Variants in ARL15 observed in about 807,000 individuals in gnomAD.
ARL15 encodes ADP-ribosylation factor-like protein 15.
ARL15 carries 19 observed loss-of-function variants against 25.2 expected under a neutral mutation model. That is an observed-to-expected ratio of 0.75 (90% CI 0.53 to 1.10). The LOEUF is 1.10. ARL15 is among the 50% of genes least tolerant of loss of function. The pLI, the probability that ARL15 is intolerant of heterozygous loss-of-function variation, is 0.00. For synonymous variants in ARL15, 94 were observed against 86.8 expected (o/e 1.08, Z -0.46); for missense variants, 220 against 246.0 (o/e 0.89, Z 0.71).
intron 4 of ARL15, among the ~76,000 whole-genome samples, chr5:53,906,429 C>T (rs1205380158): frequency 2.6e-5 from 4 of 152,046 alleles, no homozygotes; most frequent in Non-Finnish European, 4.4e-5. Context: ...TTACCTCCTA[C>T]AAAACCTGGG....
intron 4 of ARL15, among the ~76,000 whole-genome samples, chr5:53,947,167 GGTGTGTGTGTGTGTGTGT>G (rs3222349): frequency 2.1e-3 from 262 of 123,696 alleles, no homozygotes; most frequent in African/African-American, 7.2e-3. Context: ...AATAAATAAG[GGTGTGTGTGTGTGTGTGT>G]GTGTGTGTGT....
intron 4 of ARL15, among the ~76,000 whole-genome samples, chr5:54,089,638 C>T (rs1752073260): frequency 6.6e-6 from 1 of 152,024 alleles, no homozygotes; most frequent in South Asian, 2.1e-4. Context: ...CTTTTGTAAG[C>T]CAGAGGAAGT....
At chr5:53,916,496 C>T (rs1288962732) in intron 4 of ARL15, among the ~76,000 whole-genome samples, 1 of 152,012 alleles carries the variant, frequency 6.6e-6, no homozygotes, top group Non-Finnish European at 1.5e-5. Context: ...ATGTAACCCC[C>T]TAAACCTAAA....
At chr5:53,990,660 A>C (rs1300922133) in intron 4 of ARL15, among the ~76,000 whole-genome samples, 1 of 152,214 alleles carries the variant, frequency 6.6e-6, no homozygotes, top group African/African-American at 2.4e-5. Flanking sequence ...TTCTGGAAAC[A>C]GATGCACCTT....
At chr5:54,261,780 C>T (rs72754268) in intron 1 of ARL15, among the ~76,000 whole-genome samples, 4,875 of 152,058 alleles carry the variant, frequency 0.032, 135 homozygotes, top group African/African-American at 0.08. Context: ...CATGACCACA[C>T]CGTTTTTTCG....
At chr5:53,955,394 AC>A (rs1017214042) in intron 4 of ARL15, among the ~76,000 whole-genome samples, 3 of 152,194 alleles carry the variant, frequency 2.0e-5, no homozygotes, top group Non-Finnish European at 2.9e-5. Context: ...TACTAGGATT[AC>A]AACTGAAATT....
chr5:54,124,458 A>G (rs1246578322), intron 3 of ARL15, among the ~76,000 whole-genome samples: 1 of 152,192 alleles, frequency 6.6e-6, no homozygotes, highest in Admixed American at 6.5e-5. Context: ...ACAGAAAAAA[A>G]TAGCAAAGAA....
At chr5:54,045,004 T>C (rs1031490850) in intron 4 of ARL15, among the ~76,000 whole-genome samples, 6 of 152,204 alleles carry the variant, frequency 3.9e-5, no homozygotes, top group Non-Finnish European at 7.3e-5. Flanking sequence ...CTCAGAACAA[T>C]TGCAGTAATC....
At chr5:54,268,647 G>T (rs1192271313) in intron 1 of ARL15, among the ~76,000 whole-genome samples, 3 of 152,086 alleles carry the variant, frequency 2.0e-5, no homozygotes, top group African/African-American at 7.2e-5. Flanking sequence ...GGGTTTCATT[G>T]TGGAAGTCAG....
intron 1 of ARL15, among the ~76,000 whole-genome samples, chr5:54,223,577 T>C (rs1219239368): frequency 6.6e-6 from 1 of 152,170 alleles, no homozygotes; most frequent in East Asian, 1.9e-4. Context: ...TTATTGGGGC[T>C]TTCACAGATA....
At chr5:54,012,185 T>A (rs1450127573) in intron 4 of ARL15, among the ~76,000 whole-genome samples, 1 of 152,238 alleles carries the variant, frequency 6.6e-6, no homozygotes. Context: ...TTTTATAGCC[T>A]TGTAATATTT....
In ARL15 at chr5:54,291,192, A is replaced by G. The variant is rs72756285; in HGVS notation, c.48+19240T>C. ...GACAAACCTGGGTTTGAACCATTCA[A>G]TAAGTTACTTTAGAAAACTCATCCA... On this transcript the variant is annotated intron_variant, in intron 1 of 4. Transcript: ENST00000504924. Among the ~76,000 whole-genome samples the G allele has an allele frequency of 9.9e-3, 1,510 of 152,342 alleles. 9 individuals are homozygous for G. The highest frequency in any genetic ancestry group is 0.02 in the Middle Eastern group (6 of 294).
chr5:54,090,353 A>C (rs1193452856), intron 4 of ARL15, among the ~76,000 whole-genome samples: 1 of 152,120 alleles, frequency 6.6e-6, no homozygotes, highest in Non-Finnish European at 1.5e-5. Flanking sequence ...AATTTATATA[A>C]AGTTAAAAAT....
chr5:54,184,431 A>C (rs13168932), intron 1 of ARL15, among the ~76,000 whole-genome samples: 1 of 123,528 alleles, frequency 8.1e-6, no homozygotes, highest in Non-Finnish European at 1.7e-5. Flanking sequence ...CAACAGTAAC[A>C]CTGTCTTTAA....
intron 1 of ARL15, among the ~76,000 whole-genome samples, chr5:54,214,652 C>T (rs3797247): frequency 0.3 from 44,955 of 152,054 alleles, 6,874 homozygotes; most frequent in Middle Eastern, 0.38. Flanking sequence ...CACAAAAAGA[C>T]GCACACCATG....
intron 3 of ARL15, among the ~76,000 whole-genome samples, chr5:54,139,461 T>A (rs1032764430): frequency 2.0e-5 from 3 of 152,130 alleles, no homozygotes; most frequent in African/African-American, 7.2e-5. Flanking sequence ...GGAACTAAGC[T>A]ATGGGTACGC....
chr5:53,980,654 T>A (rs538527574), intron 4 of ARL15, among the ~76,000 whole-genome samples: 3 of 152,224 alleles, frequency 2.0e-5, no homozygotes, highest in African/African-American at 7.2e-5. Flanking sequence ...AACTGAGGAC[T>A]GTGAGTTATT....
intron 1 of ARL15, among the ~76,000 whole-genome samples, chr5:54,306,081 C>T (rs1052377202): frequency 6.6e-6 from 1 of 152,218 alleles, no homozygotes. Context: ...TAGAGCCACA[C>T]GACTGCCAGT....
chr5:54,204,648 CT>C (rs930218165), intron 1 of ARL15, among the ~76,000 whole-genome samples: 2 of 152,284 alleles, frequency 1.3e-5, no homozygotes, highest in South Asian at 2.1e-4. Flanking sequence ...AAGTCTTGCA[CT>C]TTTTTTCTCA....
Sources: allele counts gnomAD v4.1 joint callset (sites outside exome capture counted in the v4.1 genomes callset), GRCh38; gene constraint gnomAD v4.1.1; transcripts MANE v1.5; gene names NCBI Gene and HGNC (gene_info 2026-07-23, HGNC 2026-07-21).